IL21R: variants seen among roughly 807,000 people sequenced by gnomAD.
The protein encoded by IL21R is interleukin-21 receptor.
IL21R carries 14 observed loss-of-function variants against 41.3 expected under a neutral mutation model. That is an observed-to-expected ratio of 0.34 (90% CI 0.22 to 0.53). IL21R has a LOEUF of 0.53. Among genes scored for constraint, IL21R ranks in the 20% least tolerant of loss-of-function variants. The probability of loss-of-function intolerance (pLI) is 0.94; values close to 1 mark genes in which losing one functional copy is unlikely to be tolerated. For synonymous variants in IL21R, 286 were observed against 287.6 expected (o/e 0.99, Z 0.05); for missense variants, 588 against 681.6 (o/e 0.86, Z 1.53).
At chr16:27,417,680 C>G (rs2086911702) in intron 1 of IL21R, among the ~76,000 whole-genome samples, 1 of 152,180 alleles carries the variant, frequency 6.6e-6, no homozygotes, top group South Asian at 2.1e-4. Context: ...TACAAACCTG[C>G]ACAGCATGAT....
chr16:27,440,242 T>TAG (rs1329486965), intron 4 of IL21R, among the ~76,000 whole-genome samples: 2,128 of 86,746 alleles, frequency 0.025, 28 homozygotes, highest in Non-Finnish European at 0.027. Flanking sequence ...TATATATATA[T>TAG]ATATATAGAG....
At chr16:27,436,444 A>G (rs992077223) in intron 3 of IL21R, among the ~76,000 whole-genome samples, 2 of 151,956 alleles carry the variant, frequency 1.3e-5, no homozygotes, top group Admixed American at 6.6e-5. Context: ...GGTGAGGGGG[A>G]ATAAGGAGCA....
At chr16:27,429,096 C>A (rs1279458307) in intron 1 of IL21R, among the ~76,000 whole-genome samples, 1 of 151,758 alleles carries the variant, frequency 6.6e-6, no homozygotes, top group African/African-American at 2.4e-5. Flanking sequence ...TGGTGGCGGC[C>A]ACCTGTATTC....
chr16:27,435,711 C>T (rs1370371205), intron 3 of IL21R, among the ~76,000 whole-genome samples: 1 of 152,042 alleles, frequency 6.6e-6, no homozygotes, highest in Non-Finnish European at 1.5e-5. Flanking sequence ...ACCTCAGCCT[C>T]CCAAAGTGCT....
chr16:27,426,410 G>C (rs984220382), intron 1 of IL21R, among the ~76,000 whole-genome samples: 1 of 152,246 alleles, frequency 6.6e-6, no homozygotes, highest in East Asian at 1.9e-4. Flanking sequence ...AACCTCAAAC[G>C]CAATAGGCTA....
chr16:27,408,734 T>G (rs1285475685), intron 1 of IL21R, among the ~76,000 whole-genome samples: 2 of 152,178 alleles, frequency 1.3e-5, no homozygotes, highest in African/African-American at 4.8e-5. Flanking sequence ...CTCATTTCTT[T>G]GTGATCCCTA....
At chr16:27,423,730 T>C (rs932589425) in intron 1 of IL21R, among the ~76,000 whole-genome samples, 23 of 152,224 alleles carry the variant, frequency 1.5e-4, no homozygotes, top group African/African-American at 4.6e-4. Flanking sequence ...AGTGACAGTA[T>C]TGCGATTTAT....
At chr16:27,442,752 A>G (rs1247364521) in intron 4 of IL21R, 1 of 460,476 alleles carries the variant, frequency 2.2e-6, no homozygotes, top group Non-Finnish European at 3.9e-6. Context: ...ATCAGGTCTA[A>G]ATCTCCCAGG....
chr16:27,404,724 G>C (rs910537085), intron 1 of IL21R, among the ~76,000 whole-genome samples: 2 of 152,182 alleles, frequency 1.3e-5, no homozygotes, highest in Non-Finnish European at 2.9e-5. Flanking sequence ...ACTTTGAGCT[G>C]TGGAACTGGC....
At chr16:27,446,504 GAGGC>G (rs1454914154) in intron 8 of IL21R, among the ~76,000 whole-genome samples, 10 of 151,994 alleles carry the variant, frequency 6.6e-5, no homozygotes. Context: ...TCGGGAGGCT[GAGGC>G]AGGACGATCG....
chr16:27,413,971 C>T (rs977531281), intron 1 of IL21R, among the ~76,000 whole-genome samples: 1 of 151,716 alleles, frequency 6.6e-6, no homozygotes, highest in African/African-American at 2.4e-5. Context: ...TGTTGAGTAT[C>T]GTGGACTTTT....
chr16:27,442,272 G>A (rs1293608468), intron 4 of IL21R, among the ~76,000 whole-genome samples: 1 of 152,204 alleles, frequency 6.6e-6, no homozygotes, highest in Admixed American at 6.5e-5. Flanking sequence ...ATGCGTGTGT[G>A]TAGGCATGTG....
In IL21R at chr16:27,442,958, C is replaced by A; in HGVS notation, c.353-4C>A. ...ATTTTCTTTTCCTGGGTTTTTCCAC[C>A]AAGTCAAGCCGGCTCCCCCTTTCAA... On this transcript the variant is annotated splice_polypyrimidine_tract_variant and splice_region_variant and intron_variant, in intron 4 of 8. Coordinates refer to ENST00000337929, the MANE Select transcript of IL21R (RefSeq NM_181078.3). 1 of 1,567,160 alleles carries A rather than the reference C, an allele frequency of 6.4e-7. No individual in the cohort carries two copies. The highest frequency in any genetic ancestry group is 8.6e-7 in the Non-Finnish European group (1 of 1,156,148).
Position 27,449,724 on chromosome 16 carries a change from G to A in IL21R, c.*441G>A, listed in dbSNP as rs763154541. ...ATCTCCGGGGCTTTGTGGGATCAGG[G>A]CATTGCCTGTGACTGAGGCGGAGCC... is the stretch of plus-strand genomic sequence containing the variant. On this transcript the variant is annotated 3_prime_UTR_variant, in exon 9 of 9. Transcript: ENST00000337929. 8.1e-6 allele frequency: 2 copies of A among 245,504 alleles called. No homozygotes were observed. Among genetic ancestry groups the A allele is most frequent in the Non-Finnish European group, 1.6e-5 (2 of 125,550 alleles). 15.2% of individuals were successfully genotyped at this position (245,504 alleles called of 1,614,324 possible).
intron 1 of IL21R, chr16:27,402,971 G>A (rs1452041847): frequency 8.3e-6 from 3 of 359,646 alleles, no homozygotes; most frequent in African/African-American, 2.1e-5. Context: ...GGGAGGTGAC[G>A]GGCATGGGTG....
At chr16:27,437,964 C>G (rs1008586662) in intron 4 of IL21R, among the ~76,000 whole-genome samples, 1 of 152,300 alleles carries the variant, frequency 6.6e-6, no homozygotes, top group East Asian at 1.9e-4. Flanking sequence ...TCCCCTACTC[C>G]CTGCCCTCTG....
chr16:27,405,941 C>T (rs2086737505), intron 1 of IL21R, among the ~76,000 whole-genome samples: 1 of 152,274 alleles, frequency 6.6e-6, no homozygotes, highest in Admixed American at 6.5e-5. Context: ...GCCACCCCGA[C>T]CCCTGCCCTG....
chr16:27,445,387 G>A, intron 7 of IL21R, 111 bp downstream of exon 7: 1 of 734,238 alleles, frequency 1.4e-6, no homozygotes, highest in African/African-American at 1.7e-5. Context: ...CAATGATGAT[G>A]ATGGGATAAT....
At chr16:27,427,034 G>A (rs958765453) in intron 1 of IL21R, among the ~76,000 whole-genome samples, 2 of 152,132 alleles carry the variant, frequency 1.3e-5, no homozygotes, top group Admixed American at 1.3e-4. Context: ...TCTCTAAGAG[G>A]TGACAAAGAT....
Sources: gnomAD v4.1 joint callset for allele counts (sites outside exome capture counted in the v4.1 genomes callset) on GRCh38, gnomAD v4.1.1 for gene constraint, MANE v1.5 for transcripts, NCBI Gene and HGNC (gene_info 2026-07-23, HGNC 2026-07-21) for gene names.